MEGF9: variants seen among roughly 807,000 people sequenced by gnomAD.
MEGF9 encodes multiple epidermal growth factor-like domains protein 9.
In MEGF9, 6 loss-of-function variants were observed where a neutral mutation model predicts 46.8. The observed-to-expected ratio is 0.13, with a 90% confidence interval of 0.07 to 0.25. MEGF9 has a LOEUF of 0.25. Among genes scored for constraint, MEGF9 ranks in the 10% least tolerant of loss-of-function variants. MEGF9 has a pLI of 1.00. For synonymous variants in MEGF9, 302 were observed against 330.7 expected (o/e 0.91, Z 0.94); for missense variants, 683 against 792.4 (o/e 0.86, Z 1.66).
At chr9:120,691,317 G>A (rs2043846997) in intron 1 of MEGF9, 1 of 324,656 alleles carries the variant, frequency 3.1e-6, no homozygotes, top group Non-Finnish European at 6.4e-6. Context: ...GTGCAGGTGG[G>A]TGAGAGATAT....
At chr9:120,688,690 ATG>A (rs1362665447) in intron 1 of MEGF9, among the ~76,000 whole-genome samples, 1 of 152,070 alleles carries the variant, frequency 6.6e-6, no homozygotes, top group Non-Finnish European at 1.5e-5. Context: ...GAGTAACTAC[ATG>A]TGTGTTGTGG....
Position 120,612,532 on chromosome 9 carries a change from ACAAGCACCT to A in MEGF9, c.944-2_950del. 1 of 1,608,928 alleles carries A rather than the reference ACAAGCACCT, an allele frequency of 6.2e-7. No homozygotes were observed. The highest frequency in any genetic ancestry group is 1.1e-5 in the South Asian group (1 of 90,154). ...CTTTGCTATTTTCCTGGCAGTTTAAACAAGCACCTAAAAGAAGCAAATTATTTTTAAAAG... is the reference window on the plus strand; with the variant it reads ...CTTTGCTATTTTCCTGGCAGTTTAAAAAAAGAAGCAAATTATTTTTAAAAG... On this transcript the variant is annotated splice_acceptor_variant and coding_sequence_variant, in exon 4 of 6. Coordinates refer to ENST00000373930, the MANE Select transcript of MEGF9 (RefSeq NM_001080497.3). LOFTEE classifies it high-confidence loss of function.
chr9:120,684,755 C>T (rs987574811), intron 1 of MEGF9, among the ~76,000 whole-genome samples: 4 of 152,196 alleles, frequency 2.6e-5, no homozygotes, highest in Admixed American at 1.3e-4. Flanking sequence ...CACATATACG[C>T]CATGTATACA....
At chr9:120,658,765 T>G (rs1172178750) in intron 2 of MEGF9, among the ~76,000 whole-genome samples, 1 of 152,228 alleles carries the variant, frequency 6.6e-6, no homozygotes, top group African/African-American at 2.4e-5. Flanking sequence ...AGGCAAATGC[T>G]TAGATAACAG....
chr9:120,628,451 CAG>C (rs373937851), intron 2 of MEGF9, among the ~76,000 whole-genome samples: 132 of 129,820 alleles, frequency 1.0e-3, no homozygotes, highest in African/African-American at 3.5e-3. Context: ...CATATTCAGA[CAG>C]AAATTCTTGT....
intron 2 of MEGF9, among the ~76,000 whole-genome samples, chr9:120,643,754 G>T (rs2043614283): frequency 6.6e-6 from 1 of 150,634 alleles, no homozygotes; most frequent in South Asian, 2.1e-4. Context: ...GCCCAGACTG[G>T]TGCCATCATG....
chr9:120,701,900 A>C (rs113850700), intron 1 of MEGF9, among the ~76,000 whole-genome samples: 11 of 151,952 alleles, frequency 7.2e-5, no homozygotes, highest in African/African-American at 2.7e-4. Context: ...AAAATTAGCC[A>C]GGTGTGGTGG....
At chr9:120,677,601 G>A (rs2043778905) in intron 1 of MEGF9, among the ~76,000 whole-genome samples, 2 of 152,158 alleles carry the variant, frequency 1.3e-5, no homozygotes, top group Admixed American at 1.3e-4. Context: ...CAAAGCCAAA[G>A]ACACAATCAT....
chr9:120,643,068 G>A (rs2132314192), intron 2 of MEGF9, among the ~76,000 whole-genome samples: 1 of 152,186 alleles, frequency 6.6e-6, no homozygotes, highest in Middle Eastern at 3.4e-3. Context: ...AAGCATTTGT[G>A]TCCCTTTTTA....
rs981337691 is a variant in MEGF9, at chr9:120,612,467, C to T, written c.1016G>A (p.Ser339Asn). ...CEECKEGFYQ[S>N]PDATKECLRC... ...AAGACATTCTTTAGTGGCATCAGGA[C>T]TCTGATAAAATCCTTCTTTACATTC... Residue 339 changes from serine (S) to asparagine (N), a missense_variant, in exon 4 of 6, where the codon AGT becomes AAT. Physicochemically the swap from Ser to Asn is conservative, Grantham distance 46. This residue lies in a region of MEGF9 where 313 missense variants were observed against 421.1 expected (regional missense o/e 0.74). Transcript: ENST00000373930. 6.2e-7 allele frequency: 1 copy of T among 1,613,612 alleles called. No individual in the cohort carries two copies. Among genetic ancestry groups the T allele is most frequent in the Non-Finnish European group, 8.5e-7 (1 of 1,179,668 alleles).
intron 1 of MEGF9, 69 bp downstream of exon 1, chr9:120,713,689 G>C (rs2043963402): frequency 1.6e-6 from 2 of 1,249,328 alleles, no homozygotes; most frequent in Non-Finnish European, 2.0e-6. Context: ...TTATAGGCAA[G>C]AGCCCAACCC....
At chr9:120,686,897 G>C (rs2043825245) in intron 1 of MEGF9, among the ~76,000 whole-genome samples, 3 of 152,180 alleles carry the variant, frequency 2.0e-5, no homozygotes, top group African/African-American at 7.2e-5. Context: ...ATGGTAAACA[G>C]AGTAACTATT....
chr9:120,707,034 G>A (rs2043932206), intron 1 of MEGF9, among the ~76,000 whole-genome samples: 3 of 152,128 alleles, frequency 2.0e-5, no homozygotes. Flanking sequence ...GGATTCTGGA[G>A]CCAGACCCAC....
chr9:120,692,368 T>C (rs1465170372), intron 1 of MEGF9, among the ~76,000 whole-genome samples: 1 of 152,184 alleles, frequency 6.6e-6, no homozygotes, highest in East Asian at 1.9e-4. Context: ...GACAGGAAAC[T>C]AATTCATAAA....
chr9:120,606,711 GGGAA>G (rs2043421738), intron 5 of MEGF9, among the ~76,000 whole-genome samples: 1 of 152,054 alleles, frequency 6.6e-6, no homozygotes, highest in Non-Finnish European at 1.5e-5. Context: ...CTGAGTTCTT[GGGAA>G]GGATTAAATG....
At chr9:120,685,555 CT>C (rs1564427730) in intron 1 of MEGF9, among the ~76,000 whole-genome samples, 1 of 152,186 alleles carries the variant, frequency 6.6e-6, no homozygotes, top group Non-Finnish European at 1.5e-5. Context: ...ATTCTTTCTA[CT>C]TCACTTCTGA....
At chr9:120,630,452 G>C (rs1248805886) in intron 2 of MEGF9, among the ~76,000 whole-genome samples, 1 of 152,164 alleles carries the variant, frequency 6.6e-6, no homozygotes, top group Non-Finnish European at 1.5e-5. Flanking sequence ...TGGCTATTGT[G>C]AAGTGCTGCA....
At chr9:120,648,367 T>C (rs1403237776) in intron 2 of MEGF9, among the ~76,000 whole-genome samples, 2 of 151,822 alleles carry the variant, frequency 1.3e-5, no homozygotes, top group Admixed American at 6.6e-5. Context: ...TAGACAAAAA[T>C]GTCATCCTGT....
At chr9:120,650,635 T>C (rs2132317811) in intron 2 of MEGF9, among the ~76,000 whole-genome samples, 1 of 152,372 alleles carries the variant, frequency 6.6e-6, no homozygotes, top group African/African-American at 2.4e-5. Context: ...AAATGAATTT[T>C]TTAAAAGCCA....
Sources: gnomAD v4.1 joint callset for allele counts (sites outside exome capture counted in the v4.1 genomes callset) on GRCh38, gnomAD v4.1.1 for gene constraint, gnomAD v4.1.1 regional missense constraint, MANE v1.5 for transcripts, NCBI Gene and HGNC (gene_info 2026-07-23, HGNC 2026-07-21) for gene names.